The following RIMS2 variants were observed in gnomAD, a reference collection of about 807,000 sequenced individuals.
RIMS2 encodes regulating synaptic membrane exocytosis 2.
RIMS2 carries 59 observed loss-of-function variants against 174.4 expected under a neutral mutation model. The ratio of observed to expected loss-of-function variants is 0.34; its 90% CI spans 0.27 to 0.42. The LOEUF is 0.42. RIMS2 is among the 10% of genes least tolerant of loss of function. The pLI is 1.00. For missense variants in RIMS2, 1,620 were observed against 1,666.3 expected, an observed-to-expected ratio of 0.97 and a Z score of 0.48; for synonymous variants, 606 against 572.5, an observed-to-expected ratio of 1.06 and a Z score of -0.84.
At chr8:104,092,475 A>G (rs2097678541) in intron 19 of RIMS2, among the ~76,000 whole-genome samples, 1 of 151,958 alleles carries the variant, frequency 6.6e-6, no homozygotes, top group South Asian at 2.1e-4. Context: ...TGATGTTTAT[A>G]GTAAGAATAC....
At chr8:103,640,172 T>A (rs1018512178) in intron 1 of RIMS2, among the ~76,000 whole-genome samples, 20 of 151,898 alleles carry the variant, frequency 1.3e-4, no homozygotes, top group Non-Finnish European at 2.8e-4. Context: ...ATTATCAAAT[T>A]TGGGATAGTT....
chr8:103,691,856 G>C (rs1195059748), intron 1 of RIMS2, among the ~76,000 whole-genome samples: 5 of 152,240 alleles, frequency 3.3e-5, no homozygotes. Flanking sequence ...TATTTGAAGG[G>C]ACTTGGGTAT....
intron 1 of RIMS2, among the ~76,000 whole-genome samples, chr8:103,522,367 G>A (rs7836022): frequency 0.18 from 27,735 of 151,916 alleles, 2,783 homozygotes; most frequent in African/African-American, 0.26. Flanking sequence ...ACAATTCTTC[G>A]AGGATATAGC....
Position 103,956,789 on chromosome 8 carries a change from G to A in RIMS2, c.2702-4276G>A, listed in dbSNP as rs184330499. 3.9e-3 allele frequency among the ~76,000 whole-genome samples: 594 copies of A among 152,276 alleles called. 5 individuals carry two copies. The highest frequency in any genetic ancestry group is 4.8e-3 in the Non-Finnish European group (328 of 68,022). ...ACTAAAGGGCTTCTGCACAGCAAAA[G>A]AAGCTATCATCAGAGTGAACAGGCA... On this transcript the variant is annotated intron_variant, in intron 14 of 23. Coordinates refer to ENST00000504942, the Ensembl canonical transcript of RIMS2.
At chr8:103,734,288 G>A (rs2097654130) in intron 2 of RIMS2, among the ~76,000 whole-genome samples, 1 of 149,956 alleles carries the variant, frequency 6.7e-6, no homozygotes, top group Non-Finnish European at 1.5e-5. Flanking sequence ...TGGGATTACA[G>A]GCGTGAGCCA....
chr8:103,668,057 C>T (rs1488439129), intron 1 of RIMS2, among the ~76,000 whole-genome samples: 1 of 152,148 alleles, frequency 6.6e-6, no homozygotes, highest in Non-Finnish European at 1.5e-5. Flanking sequence ...TGGCATAATA[C>T]ATTAAAGCCT....
intron 16 of RIMS2, among the ~76,000 whole-genome samples, 180 bp from the exon 19 acceptor site, chr8:103,989,125 A>G (rs2094536717): frequency 6.6e-6 from 1 of 152,348 alleles, no homozygotes; most frequent in Middle Eastern, 3.4e-3. Flanking sequence ...CAGTAATCTT[A>G]CTTAACTGTC....
intron 19 of RIMS2, among the ~76,000 whole-genome samples, chr8:104,068,249 T>C (rs958387731): frequency 6.6e-6 from 1 of 152,220 alleles, no homozygotes; most frequent in Non-Finnish European, 1.5e-5. Context: ...GTTTTCTATC[T>C]AATGAAGATT....
chr8:104,113,622 C>G (rs189853550), intron 19 of RIMS2, among the ~76,000 whole-genome samples: 1 of 151,856 alleles, frequency 6.6e-6, no homozygotes, highest in Non-Finnish European at 1.5e-5. Context: ...TTGGAATTGG[C>G]TCTAGTTATG....
At position 103,544,975 on chromosome 8, in the gene RIMS2, A is replaced by G. The variant is rs115600410; in HGVS notation, c.176+43913A>G. Reference sequence around the variant, plus strand: ...CCAGTGCAAGAACTCTAGCTACTCAAAAAGCCAGTGTCTTCTTCCTTCCAA... The same window carrying G: ...CCAGTGCAAGAACTCTAGCTACTCAGAAAGCCAGTGTCTTCTTCCTTCCAA... On this transcript the variant is annotated intron_variant, in intron 1 of 23. Transcript: ENST00000504942. Among the ~76,000 whole-genome samples, 421 of 152,332 alleles carry G rather than the reference A, an allele frequency of 2.8e-3. 5 individuals carry two copies. Among genetic ancestry groups the G allele is most frequent in the African/African-American group, 9.7e-3 (405 of 41,578 alleles).
intron 1 of RIMS2, among the ~76,000 whole-genome samples, chr8:103,613,028 T>C (rs1187854435): frequency 6.6e-6 from 1 of 152,190 alleles, no homozygotes; most frequent in East Asian, 1.9e-4. Flanking sequence ...GCATTGGGTC[T>C]TACTTAAGTC....
chr8:104,095,935 T>C (rs147420019), intron 19 of RIMS2, among the ~76,000 whole-genome samples: 2 of 152,292 alleles, frequency 1.3e-5, no homozygotes, highest in East Asian at 1.9e-4. Flanking sequence ...TTTAACTGTA[T>C]TTGTGCTCTA....
Position 103,845,400 on chromosome 8 carries a change from C to T in RIMS2, c.699-39898C>T, listed in dbSNP as rs1055373007. Among the ~76,000 whole-genome samples the T allele has an allele frequency of 3.3e-5, 5 of 151,988 alleles. No homozygotes were observed. The East Asian group carries it at 7.7e-4, about 23-fold the overall frequency. ...CCCTACCTGTTATTACTAGTGAAAA[C>T]GATTTTAAAACAATTGGAATGCTTA... is the stretch of plus-strand genomic sequence containing the variant. On this transcript the variant is annotated intron_variant, in intron 3 of 23. Transcript: ENST00000504942.
At chr8:103,540,365 A>G (rs552243164) in intron 1 of RIMS2, among the ~76,000 whole-genome samples, 4 of 152,298 alleles carry the variant, frequency 2.6e-5, no homozygotes, top group East Asian at 1.9e-4. Flanking sequence ...GCCATCCACA[A>G]TGTTGGCCGC....
intron 1 of RIMS2, among the ~76,000 whole-genome samples, chr8:103,608,372 G>T (rs1307661106): frequency 7.0e-6 from 1 of 143,524 alleles, no homozygotes; most frequent in African/African-American, 2.7e-5. Flanking sequence ...GCTGCGTACT[G>T]GGAGAACCAC....
chr8:103,793,514 C>T (rs1254640506), intron 3 of RIMS2, among the ~76,000 whole-genome samples: 1 of 152,144 alleles, frequency 6.6e-6, no homozygotes, highest in African/African-American at 2.4e-5. Context: ...CCTTTGAAAA[C>T]TGGCACAAGA....
chr8:103,724,761 C>A (rs2138596770), intron 2 of RIMS2, among the ~76,000 whole-genome samples: 1 of 152,228 alleles, frequency 6.6e-6, no homozygotes, highest in South Asian at 2.1e-4. Context: ...ATGTTCACAG[C>A]CACTTTTTTC....
intron 3 of RIMS2, among the ~76,000 whole-genome samples, chr8:103,825,420 C>T (rs904111718): frequency 6.6e-6 from 1 of 151,050 alleles, no homozygotes; most frequent in African/African-American, 2.4e-5. Flanking sequence ...GCTAGGACCA[C>T]AGGCATGTGC....
intron 2 of RIMS2, 90 bp downstream of exon 5, chr8:103,716,410 T>A (rs770787595): frequency 6.6e-6 from 1 of 152,060 alleles, no homozygotes; most frequent in Non-Finnish European, 1.5e-5. Context: ...ATTTATATAC[T>A]TCTCAGTGTT....
Sources: allele counts gnomAD v4.1 joint callset (sites outside exome capture counted in the v4.1 genomes callset), GRCh38; gene constraint gnomAD v4.1.1; transcripts MANE v1.5; gene names NCBI Gene and HGNC (gene_info 2026-07-23, HGNC 2026-07-21).